PLEKHG7: variants seen among roughly 807,000 people sequenced by gnomAD.
The protein encoded by PLEKHG7 is pleckstrin homology and RhoGEF domain containing G7, also known as pleckstrin homology domain-containing family G member 7.
Under a neutral mutation model 85.2 loss-of-function variants are expected in PLEKHG7, and 77 were observed. The observed-to-expected ratio is 0.90, with a 90% CI of 0.75 to 1.09. The LOEUF is 1.09. Among genes scored for constraint, PLEKHG7 ranks in the 50% least tolerant of loss-of-function variants. The probability of loss-of-function intolerance (pLI) is 0.00; values close to 1 mark genes in which losing one functional copy is unlikely to be tolerated. For missense variants in PLEKHG7, 777 were observed against 804.3 expected (o/e 0.97, Z 0.41); for synonymous variants, 301 against 302.4 (o/e 1.00, Z 0.05).
intron 15 of PLEKHG7, among the ~76,000 whole-genome samples, chr12:92,767,723 C>CA (rs1412399882): frequency 3.3e-5 from 5 of 152,190 alleles, no homozygotes; most frequent in African/African-American, 4.8e-5. Context: ...AGAAGCCCAA[C>CA]AGCCCCTCAG....
chr12:92,704,001 T>C (rs1871160131), intron 1 of PLEKHG7, among the ~76,000 whole-genome samples: 1 of 152,262 alleles, frequency 6.6e-6, no homozygotes, highest in Non-Finnish European at 1.5e-5. Flanking sequence ...GCAAATATAC[T>C]GAATTCCTTT....
chr12:92,765,141 T>G (rs1230533867), intron 15 of PLEKHG7, among the ~76,000 whole-genome samples: 1 of 152,100 alleles, frequency 6.6e-6, no homozygotes, highest in Non-Finnish European at 1.5e-5. Flanking sequence ...TGAATGAATA[T>G]ACAAACAACA....
At chr12:92,748,599 T>G (rs1445799934) in intron 10 of PLEKHG7, among the ~76,000 whole-genome samples, 1 of 152,158 alleles carries the variant, frequency 6.6e-6, no homozygotes, top group African/African-American at 2.4e-5. Flanking sequence ...TTCTCAAACA[T>G]CTCTTAATTC....
chr12:92,713,128 CA>C (rs1565786551), intron 3 of PLEKHG7, among the ~76,000 whole-genome samples: 1 of 152,064 alleles, frequency 6.6e-6, no homozygotes, highest in African/African-American at 2.4e-5. Context: ...GGCTGCATAT[CA>C]AAAAAAGATT....
intron 3 of PLEKHG7, among the ~76,000 whole-genome samples, chr12:92,728,791 T>C (rs1318626710): frequency 1.3e-5 from 2 of 152,162 alleles, no homozygotes; most frequent in Non-Finnish European, 2.9e-5. Flanking sequence ...TGAATGGTAG[T>C]TCTATTTTTA....
rs749423311 is a variant in PLEKHG7 at position 92,706,747 on chromosome 12, G to A, written c.116G>A (p.Arg39Gln). ...CAGGGGAGTCTCCTCCAGTTTGACC[G>A]GCAAGCCCCAGGCCGCATCTCCACC... ...KNQGSLLQFDRQAPGRISTSP... is the reference protein window; with the variant it reads ...KNQGSLLQFDQQAPGRISTSP... Residue 39 changes from arginine (R) to glutamine (Q), a missense_variant, in exon 2 of 17, where the codon CGG becomes CAG. By Grantham distance (43) the Arg-to-Gln change is conservative. This residue lies in a region of PLEKHG7 where 252 missense variants were observed against 241.9 expected (regional missense o/e 1.04). Transcript: ENST00000344636. 87 of 1,613,902 alleles carry A rather than the reference G, an allele frequency of 5.4e-5. No homozygotes were observed. The highest frequency in any genetic ancestry group is 2.9e-4 in the South Asian group (26 of 91,082).
At position 92,707,641 on chromosome 12, in the gene PLEKHG7, T is replaced by C. The variant is rs756693111; in HGVS notation, c.508-9T>C. ...AGACTAAAACATATGTTCTTAAAATTTATTTCAGGGAGAAGAATTGCACCC... is the reference window on the plus strand; with the variant it reads ...AGACTAAAACATATGTTCTTAAAATCTATTTCAGGGAGAAGAATTGCACCC... On this transcript the variant is annotated splice_polypyrimidine_tract_variant and intron_variant, in intron 2 of 16. Transcript: ENST00000344636. 30 of 1,613,098 alleles carry C rather than the reference T, an allele frequency of 1.9e-5. No homozygotes were observed. Among genetic ancestry groups the C allele is most frequent in the Non-Finnish European group, 2.3e-5 (27 of 1,179,532 alleles).
intron 3 of PLEKHG7, among the ~76,000 whole-genome samples, chr12:92,724,575 T>C (rs1454414991): frequency 6.6e-6 from 1 of 151,904 alleles, no homozygotes; most frequent in Non-Finnish European, 1.5e-5. Context: ...AAAGAGAGGG[T>C]TTTGGGTAAC....
chr12:92,759,628 G>C (rs1431837033), intron 13 of PLEKHG7, among the ~76,000 whole-genome samples: 3 of 152,220 alleles, frequency 2.0e-5, no homozygotes, highest in Non-Finnish European at 4.4e-5. Flanking sequence ...AGACATCAGA[G>C]AGCTCACTCT....
chr12:92,738,095 C>A (rs1258825148), intron 7 of PLEKHG7, among the ~76,000 whole-genome samples: 2 of 152,170 alleles, frequency 1.3e-5, no homozygotes, highest in Non-Finnish European at 2.9e-5. Context: ...TGCTTTTTAT[C>A]AGCTGCAGGG....
Position 92,761,639 on chromosome 12 carries a change from A to AAAGGAAGG in PLEKHG7, c.1637-110_1637-109insGAAGGAAG, listed in dbSNP as rs766646399. 82 of 497,988 alleles carry AAAGGAAGG rather than the reference A, an allele frequency of 1.6e-4. No homozygotes were observed. In the Admixed American group the frequency reaches 1.7e-3, roughly 10 times the overall value. The allele number at this position is 497,988 out of a possible 1,614,324, so 30.8% of individuals were successfully genotyped here. The stretch of plus-strand genomic sequence containing the variant: ...AGAAAGAAAGAAGAAAGAAAGAAAG[A>AAAGGAAGG]AAGAAAGAAAGAAAGAAAGAAAGAA... On this transcript the variant is annotated intron_variant, in intron 13 of 16. Transcript: ENST00000344636.
Position 92,737,387 on chromosome 12 carries a change from T to A in PLEKHG7, c.805T>A (p.Trp269Arg). The part of the protein sequence containing the change: ...YDFYGLKDKT[W>R]DEVLETHHKL... ...TTTCCCTCATGTACAGGATAAGACC[T>A]GGGATGAAGTCTTGGAAACACATCA... Residue 269 changes from tryptophan (W) to arginine (R), a missense_variant, in exon 7 of 17, where the codon TGG becomes AGG. Trp to Arg is a moderately radical substitution (Grantham distance 101). Coordinates refer to ENST00000344636, the MANE Select transcript of PLEKHG7 (RefSeq NM_001377329.1). 1 of 1,522,398 alleles carries A rather than the reference T, an allele frequency of 6.6e-7. No individual in the cohort carries two copies. Among genetic ancestry groups the A allele is most frequent in the Non-Finnish European group, 8.7e-7 (1 of 1,144,650 alleles). 94.3% of individuals were successfully genotyped at this position (1,522,398 alleles called of 1,614,324 possible).
intron 10 of PLEKHG7, among the ~76,000 whole-genome samples, chr12:92,748,712 G>A (rs1046789049): frequency 5.9e-5 from 9 of 152,190 alleles, no homozygotes; most frequent in African/African-American, 9.7e-5. Context: ...AGGTGGCAAA[G>A]AAAGAACCAT....
intron 3 of PLEKHG7, among the ~76,000 whole-genome samples, chr12:92,721,303 T>C (rs1439623206): frequency 6.6e-6 from 1 of 152,142 alleles, no homozygotes; most frequent in Non-Finnish European, 1.5e-5. Flanking sequence ...CATTGTTGAG[T>C]GCTGACACAT....
chr12:92,745,629 A>T (rs777100309), intron 10 of PLEKHG7, 38 bp downstream of exon 10: 1 of 1,468,434 alleles, frequency 6.8e-7, no homozygotes, highest in Non-Finnish European at 9.5e-7. Context: ...ATTTTTGCTG[A>T]TGCTTTTTGG....
chr12:92,766,922 T>G (rs1873217216), intron 15 of PLEKHG7, among the ~76,000 whole-genome samples: 1 of 152,186 alleles, frequency 6.6e-6, no homozygotes, highest in African/African-American at 2.4e-5. Context: ...ATTTTTCTCA[T>G]TCCTCGGGCC....
rs572377625 is a variant in PLEKHG7, at chr12:92,707,526, C to T, written c.508-124C>T. On this transcript the variant is annotated intron_variant, in intron 2 of 16. Coordinates refer to ENST00000344636, the MANE Select transcript of PLEKHG7 (RefSeq NM_001377329.1). ...GAGCCAGTTATTCAAATTTCCAATC[C>T]CACCAAAATGTAAAACATGTTTTAA... is the stretch of plus-strand genomic sequence containing the variant. 32 of 1,481,574 alleles carry T rather than the reference C, an allele frequency of 2.2e-5. No individual in the cohort carries two copies. The South Asian group carries it at 3.9e-4, about 18-fold the overall frequency. 91.8% of individuals were successfully genotyped at this position (1,481,574 alleles called of 1,614,324 possible).
chr12:92,756,939 C>T (rs1174129199), intron 13 of PLEKHG7, among the ~76,000 whole-genome samples: 3 of 152,154 alleles, frequency 2.0e-5, no homozygotes, highest in Non-Finnish European at 4.4e-5. Context: ...CCTGGAGAGG[C>T]TTCGTGCAGT....
At position 92,761,646 on chromosome 12, in the gene PLEKHG7, GA is replaced by G. The variant is rs1196798077; in HGVS notation, c.1637-103del. ...AAGAAGAAAGAAAGAAAGAAAGAAA[GA>G]AAGAAAGAAAGAAAGAAAGAAAGAA... is the stretch of plus-strand genomic sequence containing the variant. On this transcript the variant is annotated intron_variant, in intron 13 of 16. Coordinates refer to ENST00000344636, the MANE Select transcript of PLEKHG7 (RefSeq NM_001377329.1). 4.0e-3 allele frequency: 4,203 copies of G among 1,044,516 alleles called. 49 individuals are homozygous for G. Among genetic ancestry groups the G allele is most frequent in the African/African-American group, 0.017 (947 of 54,764 alleles). 64.7% of individuals were successfully genotyped at this position (1,044,516 alleles called of 1,614,324 possible).
Sources: allele counts gnomAD v4.1 joint callset (sites outside exome capture counted in the v4.1 genomes callset), GRCh38; gene constraint gnomAD v4.1.1; regional missense constraint gnomAD v4.1.1; transcripts MANE v1.5; gene names NCBI Gene and HGNC (gene_info 2026-07-23, HGNC 2026-07-21).